The following PXK variants were observed in gnomAD, a reference collection of about 807,000 sequenced individuals.
PXK encodes PX domain-containing protein kinase-like protein.
A neutral mutation model predicts 84.7 loss-of-function variants in PXK; 35 were observed. The ratio of observed to expected loss-of-function variants is 0.41; its 90% CI spans 0.32 to 0.55. PXK has a LOEUF of 0.55. Among genes scored for constraint, PXK ranks in the 20% least tolerant of loss-of-function variants. The pLI is 0.21. For synonymous variants in PXK, 253 were observed against 260.8 expected (o/e 0.97, Z 0.29); for missense variants, 634 against 699.7 (o/e 0.91, Z 1.06).
chr3:58,341,349 G>A (rs2097726770), intron 1 of PXK, among the ~76,000 whole-genome samples: 1 of 152,110 alleles, frequency 6.6e-6, no homozygotes, highest in Non-Finnish European at 1.5e-5. Context: ...ATCACTTGAG[G>A]TCAGGAGGTT....
intron 1 of PXK, among the ~76,000 whole-genome samples, chr3:58,344,368 T>G (rs989101085): frequency 6.6e-6 from 1 of 152,266 alleles, no homozygotes; most frequent in Non-Finnish European, 1.5e-5. Context: ...TTTGCTAATA[T>G]GTGGCAAAAA....
At position 58,397,905 on chromosome 3, in the gene PXK, G is replaced by T. The variant is rs549297694; in HGVS notation, c.1102+183G>T. Among the ~76,000 whole-genome samples the T allele has an allele frequency of 6.6e-6, 1 of 152,310 alleles. No individual in the cohort carries two copies. The highest frequency in any genetic ancestry group is 1.5e-5 in the Non-Finnish European group (1 of 68,034). On this transcript the variant is annotated intron_variant, in intron 11 of 17. Coordinates refer to ENST00000356151, the MANE Select transcript of PXK (RefSeq NM_017771.5). This position sits in a 1 kb window ranked among gnomAD's most constrained non-coding sequence, Gnocchi z 4.7. ...TTAAATACACTTCTGTGAAAATTCAGGTGGCTTGTCCATTTGCCAGGCTAT... is the reference window on the plus strand; with the variant it reads ...TTAAATACACTTCTGTGAAAATTCATGTGGCTTGTCCATTTGCCAGGCTAT...
chr3:58,387,994 T>C (rs771784904), intron 4 of PXK, among the ~76,000 whole-genome samples: 21 of 152,184 alleles, frequency 1.4e-4, no homozygotes, highest in Non-Finnish European at 2.9e-4. Context: ...CAGAGGTTGG[T>C]TGAACACTCG....
intron 1 of PXK, among the ~76,000 whole-genome samples, chr3:58,350,706 G>A (rs907921880): frequency 1.3e-5 from 2 of 152,316 alleles, no homozygotes; most frequent in Non-Finnish European, 2.9e-5. Flanking sequence ...ATTGTTGGGA[G>A]ATGGAGTAAA....
intron 17 of PXK, chr3:58,423,517 A>C (rs2062277516): frequency 6.5e-7 from 1 of 1,535,834 alleles, no homozygotes; most frequent in Non-Finnish European, 8.7e-7. Context: ...CTATTGTAAG[A>C]CTTTAACCCA....
chr3:58,332,939 CT>C lies in PXK; in HGVS notation c.-49del. On this transcript the variant is annotated 5_prime_UTR_variant, in exon 1 of 18. Transcript: ENST00000356151. The surrounding 1 kb of genome is among the most constrained non-coding windows in gnomAD (Gnocchi z 5.6). The stretch of plus-strand genomic sequence containing the variant: ...CCGGGCGGGCGGCGGGAGTCGGCGC[CT>C]CGGGTTCCTACCTCGCGTCCCTAGG... The C allele has an allele frequency of 8.1e-7, 1 of 1,233,328 alleles. No homozygotes were observed. The highest frequency in any genetic ancestry group is 1.0e-6 in the Non-Finnish European group (1 of 955,416). 76.4% of individuals were successfully genotyped at this position (1,233,328 alleles called of 1,614,324 possible).
intron 17 of PXK, chr3:58,420,423 A>G: frequency 7.6e-7 from 1 of 1,323,252 alleles, no homozygotes; most frequent in Non-Finnish European, 1.0e-6. Flanking sequence ...GAGAATAATC[A>G]GCTTGTGATT....
intron 1 of PXK, among the ~76,000 whole-genome samples, chr3:58,347,342 C>A (rs2097843377): frequency 6.6e-6 from 1 of 152,128 alleles, no homozygotes; most frequent in Non-Finnish European, 1.5e-5. Context: ...TATATACACA[C>A]CCACTTTCAT....
intron 7 of PXK, among the ~76,000 whole-genome samples, chr3:58,394,415 G>A (rs1026634305): frequency 9.9e-5 from 15 of 152,200 alleles, no homozygotes; most frequent in African/African-American, 3.6e-4. Flanking sequence ...TTATGTTGCA[G>A]AATTCTATAG....
In PXK at chr3:58,397,104, C is replaced by T. The variant is rs138800867; in HGVS notation, c.888C>T (p.Leu296=). The change falls in exon 10 of 18, where the codon CTC becomes CTT. Residue 296 remains leucine, a synonymous_variant. Transcript: ENST00000356151. This position sits in a 1 kb window ranked among gnomAD's most constrained non-coding sequence, Gnocchi z 4.7. ...ATCTTCACGCCTCCAATGTGATGCTCGATGGGGACACTTGCCGGCTGCTGG... is the reference window on the plus strand; with the variant it reads ...ATCTTCACGCCTCCAATGTGATGCTTGATGGGGACACTTGCCGGCTGCTGG... ...YGHLHASNVM[L]DGDTCRLLDL... is the part of the protein sequence containing the mutation. 1.3e-4 allele frequency: 203 copies of T among 1,614,130 alleles called. 1 individual carries two copies. In the African/African-American group the frequency reaches 2.0e-3, roughly 16 times the overall value.
chr3:58,339,254 G>A (rs1171786213), intron 1 of PXK, among the ~76,000 whole-genome samples: 6 of 145,386 alleles, frequency 4.1e-5, no homozygotes, highest in South Asian at 2.2e-4. Context: ...TTTTTTAGAC[G>A]TAGTCTTACT....
chr3:58,418,000 T>G (rs2061251405), intron 17 of PXK, among the ~76,000 whole-genome samples: 1 of 152,166 alleles, frequency 6.6e-6, no homozygotes, highest in Non-Finnish European at 1.5e-5. Flanking sequence ...TATATTTTTT[T>G]GTAGAGACGG....
At position 58,395,751 on chromosome 3, in the gene PXK, A is replaced by G. The variant is rs2057562022; in HGVS notation, c.814A>G (p.Ile272Val). 6.2e-7 allele frequency: 1 copy of G among 1,607,216 alleles called. No homozygotes were observed. The highest frequency in any genetic ancestry group is 1.7e-4 in the Middle Eastern group (1 of 6,052). ...GCAAATAAAAACATATGGACGGCAA[A>G]TATTAGAGGTAAGAGGTACTTTTGT... is the stretch of plus-strand genomic sequence containing the variant. ...LQQIKTYGRQ[I>V]LEVLKFLHDK... Residue 272 changes from isoleucine to valine, a missense_variant, in exon 9 of 18, where the codon ATA becomes GTA. Physicochemically the swap from Ile to Val is conservative, Grantham distance 29 (BLOSUM62 3). This residue lies in a region of PXK where 353 missense variants were observed against 385.2 expected (regional missense o/e 0.92). Coordinates refer to ENST00000356151, the MANE Select transcript of PXK (RefSeq NM_017771.5).
In PXK at chr3:58,425,626, G is replaced by A. The variant is rs951630244; in HGVS notation, c.*666G>A. ...GACCCATAGTTCTTTTTAGTTAGAT[G>A]TATTGAAACAGACAAAAATATTAAC... On this transcript the variant is annotated 3_prime_UTR_variant, in exon 18 of 18. Coordinates refer to ENST00000356151, the MANE Select transcript of PXK (RefSeq NM_017771.5). 2.6e-5 allele frequency: 4 copies of A among 152,188 alleles called. No individual in the cohort carries two copies. Among genetic ancestry groups the A allele is most frequent in the African/African-American group, 7.2e-5 (3 of 41,456 alleles). 9.4% of individuals were successfully genotyped at this position (152,188 alleles called of 1,614,324 possible).
At chr3:58,394,484 AC>A (rs1474676292) in intron 7 of PXK, among the ~76,000 whole-genome samples, 1 of 152,192 alleles carries the variant, frequency 6.6e-6, no homozygotes, top group Non-Finnish European at 1.5e-5. Flanking sequence ...AGAAGATGCT[AC>A]TTTTGCCTGT....
In PXK at chr3:58,399,882, A is replaced by G. The variant is rs543959100; in HGVS notation, c.1181+505A>G. Among the ~76,000 whole-genome samples the G allele has an allele frequency of 6.6e-6, 1 of 152,110 alleles. No individual in the cohort carries two copies. Among genetic ancestry groups the G allele is most frequent in the Non-Finnish European group, 1.5e-5 (1 of 67,984 alleles). Reference sequence around the variant, plus strand: ...TGGGTACTATTTATTAAACTCTAGCATGTACCAGGCACTGTTCTAGGGTCT... The same window carrying G: ...TGGGTACTATTTATTAAACTCTAGCGTGTACCAGGCACTGTTCTAGGGTCT... On this transcript the variant is annotated intron_variant, in intron 12 of 17. Coordinates refer to ENST00000356151, the MANE Select transcript of PXK (RefSeq NM_017771.5). This position sits in a 1 kb window ranked among gnomAD's most constrained non-coding sequence, Gnocchi z 4.3.
intron 4 of PXK, among the ~76,000 whole-genome samples, chr3:58,389,449 G>A (rs2098600327): frequency 6.6e-6 from 1 of 151,992 alleles, no homozygotes; most frequent in Non-Finnish European, 1.5e-5. Flanking sequence ...AGATTTTCCA[G>A]TTTTGAAAAA....
chr3:58,424,722 A>C (rs1328043400), intron 17 of PXK, 30 bp from the exon 18 acceptor site: 8 of 1,606,894 alleles, frequency 5.0e-6, no homozygotes, highest in Non-Finnish European at 6.8e-6. Context: ...TGTGGAGGTG[A>C]ATACTGATTG....
rs772597792 is a variant in PXK, at chr3:58,423,528, T to C, written c.1529-1224T>C. 1.0e-4 allele frequency: 154 copies of C among 1,535,694 alleles called. 1 individual carries two copies. Among genetic ancestry groups the C allele is most frequent in the Non-Finnish European group, 8.4e-5 (96 of 1,146,684 alleles). On this transcript the variant is annotated intron_variant, in intron 17 of 17. Coordinates refer to ENST00000356151, the MANE Select transcript of PXK (RefSeq NM_017771.5). ...TTTTCTATTGTAAGACTTTAACCCA[T>C]ACCTGTCACACTTGGTGAAAAGGAT...
Sources: allele counts gnomAD v4.1 joint callset (sites outside exome capture counted in the v4.1 genomes callset), GRCh38; gene constraint gnomAD v4.1.1; regional missense constraint gnomAD v4.1.1; non-coding constraint Gnocchi (gnomAD v3.1); transcripts MANE v1.5; gene names NCBI Gene and HGNC (gene_info 2026-07-23, HGNC 2026-07-21).